The following MYO1H variants were observed in gnomAD, a reference collection of about 807,000 sequenced individuals.
MYO1H encodes unconventional myosin-Ih.
In MYO1H, 118 loss-of-function variants were observed where a neutral mutation model predicts 149.3. The ratio of observed to expected loss-of-function variants is 0.79; its 90% CI spans 0.68 to 0.92. MYO1H has a LOEUF of 0.92. Among genes scored for constraint, MYO1H ranks in the 40% least tolerant of loss-of-function variants. The pLI, the probability that MYO1H is intolerant of heterozygous loss-of-function variation, is 0.00. For missense variants in MYO1H, 1,212 were observed against 1,280.7 expected, an observed-to-expected ratio of 0.95 and a Z score of 0.82; for synonymous variants, 447 against 465.2, an observed-to-expected ratio of 0.96 and a Z score of 0.50.
In MYO1H at chr12:109,443,174, ATG is replaced by A. The variant is rs34386334; in HGVS notation, c.2689-334_2689-333del. On this transcript the variant is annotated intron_variant, in intron 27 of 31. Transcript: ENST00000310903. ...CGTATGTGTGTGTATATGTGTACGTATGTGTGTATATGTGTACGTATATGTGT... is the reference window on the plus strand; with the variant it reads ...CGTATGTGTGTGTATATGTGTACGTATGTGTATATGTGTACGTATATGTGT... 9.5e-5 allele frequency among the ~76,000 whole-genome samples: 11 copies of A among 115,640 alleles called. 4 individuals are homozygous for A. Among genetic ancestry groups the A allele is most frequent in the African/African-American group, 2.3e-4 (6 of 25,928 alleles). The allele number at this position is 115,640 out of a possible 152,430, so 75.9% of individuals were successfully genotyped here.
At chr12:109,364,857 A>G (rs1422007715) in intron 1 of MYO1H, among the ~76,000 whole-genome samples, 1 of 152,138 alleles carries the variant, frequency 6.6e-6, no homozygotes, top group Admixed American at 6.5e-5. Context: ...TTTCACTTCA[A>G]CCTTGTCAGA....
chr12:109,412,532 A>G (rs1460991277), intron 14 of MYO1H, among the ~76,000 whole-genome samples: 1 of 152,190 alleles, frequency 6.6e-6, no homozygotes, highest in Non-Finnish European at 1.5e-5. Flanking sequence ...ATGTCTATGT[A>G]CATGAAATAA....
At chr12:109,312,936 C>A in the MYO1H span, among the ~76,000 whole-genome samples, 4 of 151,696 alleles carry the variant, frequency 2.6e-5, no homozygotes, top group Admixed American at 2.0e-4. Flanking sequence ...GTGATATTTT[C>A]TTATAAGAAA....
chr12:109,371,769 T>C (rs544518560), intron 1 of MYO1H, among the ~76,000 whole-genome samples: 1 of 152,348 alleles, frequency 6.6e-6, no homozygotes, highest in African/African-American at 2.4e-5. Flanking sequence ...CTATAATATA[T>C]ACACCTTCTC....
At chr12:109,378,544 A>C (rs1335911205) in intron 1 of MYO1H, among the ~76,000 whole-genome samples, 1 of 151,926 alleles carries the variant, frequency 6.6e-6, no homozygotes, top group African/African-American at 2.4e-5. Context: ...GGCTAGTCTC[A>C]AACTCCTGAG....
intron 18 of MYO1H, 43 bp from the exon 19 acceptor site, chr12:109,427,426 C>A: frequency 7.6e-7 from 1 of 1,307,372 alleles, no homozygotes; most frequent in South Asian, 1.2e-5. Context: ...GATATGAAGC[C>A]ATGGGATCCT....
intron 20 of MYO1H, 62 bp from the exon 21 acceptor site, chr12:109,434,975 G>A (rs561521261): frequency 1.3e-5 from 13 of 1,030,400 alleles, no homozygotes; most frequent in Middle Eastern, 4.2e-4. Flanking sequence ...AGGGGGCACC[G>A]TTCAACCCAC....
At chr12:109,426,036 G>C in exon 18 of MYO1H, 1 of 1,613,084 alleles carries the variant, frequency 6.2e-7, no homozygotes, top group Non-Finnish European at 8.5e-7. Flanking sequence ...CAAGCCCAAC[G>C]ACAGGAAAGA....
chr12:109,400,704 G>A (rs898869826), intron 5 of MYO1H, among the ~76,000 whole-genome samples: 4 of 152,142 alleles, frequency 2.6e-5, no homozygotes, highest in Non-Finnish European at 5.9e-5. Context: ...GATTTACAAC[G>A]AAACCATCAC....
intron 26 of MYO1H, among the ~76,000 whole-genome samples, 183 bp from the exon 27 acceptor site, chr12:109,442,034 G>C (rs780047102): frequency 3.9e-5 from 6 of 152,072 alleles, no homozygotes; most frequent in Non-Finnish European, 5.9e-5. Context: ...GAGACAGAGC[G>C]AGACTCTGTC....
the MYO1H span, among the ~76,000 whole-genome samples, chr12:109,319,899 G>A: frequency 6.6e-6 from 1 of 152,168 alleles, no homozygotes; most frequent in African/African-American, 2.4e-5. Context: ...TTAGAAGACT[G>A]GAGAGGAAAC....
the MYO1H span, among the ~76,000 whole-genome samples, chr12:109,321,256 A>G: frequency 6.6e-6 from 1 of 152,024 alleles, no homozygotes; most frequent in Non-Finnish European, 1.5e-5. Flanking sequence ...CCTAGAATAC[A>G]AATGGAAATA....
At chr12:109,364,171 TA>T (rs746308903) in intron 1 of MYO1H, among the ~76,000 whole-genome samples, 9,262 of 90,182 alleles carry the variant, frequency 0.1, 330 homozygotes, top group East Asian at 0.19. Context: ...ACCATGTCTT[TA>T]AAAAAAAAAA....
At chr12:109,366,769 A>G (rs760535273) in intron 1 of MYO1H, among the ~76,000 whole-genome samples, 4 of 152,230 alleles carry the variant, frequency 2.6e-5, no homozygotes, top group Non-Finnish European at 4.4e-5. Context: ...AGCAAGAAGC[A>G]TGATGGATGT....
chr12:109,310,772 CCTTT>C, the MYO1H span, among the ~76,000 whole-genome samples: 1 of 152,202 alleles, frequency 6.6e-6, no homozygotes, highest in Admixed American at 6.5e-5. Context: ...CGTCCTTCCT[CCTTT>C]CTTCTCTGCC....
At chr12:109,347,672 T>G (rs369444766), upstream of MYO1H, among the ~76,000 whole-genome samples, 99 of 152,046 alleles carry the variant, frequency 6.5e-4, 3 homozygotes, top group South Asian at 0.021. Flanking sequence ...GTCAGGAACA[T>G]AAGCAACTAA....
chr12:109,421,567 C>T (rs947715360), intron 16 of MYO1H, among the ~76,000 whole-genome samples: 6 of 151,932 alleles, frequency 3.9e-5, no homozygotes, highest in Admixed American at 6.6e-5. Flanking sequence ...GGACGAGGGG[C>T]AATGTTAGGA....
chr12:109,419,023 C>T (rs1871053280), intron 15 of MYO1H, among the ~76,000 whole-genome samples: 2 of 152,110 alleles, frequency 1.3e-5, no homozygotes, highest in South Asian at 4.2e-4. Flanking sequence ...AAAGATAATA[C>T]ACATGTAGAG....
At position 109,364,451 on chromosome 12, in the gene MYO1H, G is replaced by A. The variant is rs1333786600; in HGVS notation, c.12+16479G>A. ...TCAATCCTCCCACCTCAGGTCCCCA[G>A]TACCTGGGACTACTGGGCATGCACC... On this transcript the variant is annotated intron_variant, in intron 1 of 31. Coordinates refer to ENST00000310903, the Ensembl canonical transcript of MYO1H. Among the ~76,000 whole-genome samples the A allele has an allele frequency of 2.0e-5, 3 of 152,048 alleles. No individual in the cohort carries two copies. In the East Asian group the frequency reaches 5.8e-4, roughly 29 times the overall value.
Sources: allele counts gnomAD v4.1 joint callset (sites outside exome capture counted in the v4.1 genomes callset), GRCh38; gene constraint gnomAD v4.1.1; transcripts MANE v1.5; gene names NCBI Gene and HGNC (gene_info 2026-07-23, HGNC 2026-07-21).